The following FARP1 variants were observed in gnomAD, a reference collection of about 807,000 sequenced individuals.
FARP1 encodes the protein FERM, ARH/RhoGEF and pleckstrin domain protein 1.
FARP1 carries 52 observed loss-of-function variants against 128.8 expected under a neutral mutation model. The ratio of observed to expected loss-of-function variants is 0.40; its 90% CI spans 0.32 to 0.51. FARP1 has a LOEUF of 0.51. FARP1 is among the 20% of genes least tolerant of loss of function. The pLI is 0.45. For synonymous variants in FARP1, 580 were observed against 551.8 expected (o/e 1.05, Z -0.72); for missense variants, 1,333 against 1,367.9 (o/e 0.97, Z 0.40).
At chr13:98,201,809 A>G (rs948489696) in intron 1 of FARP1, among the ~76,000 whole-genome samples, 6 of 152,246 alleles carry the variant, frequency 3.9e-5, no homozygotes, top group Non-Finnish European at 5.9e-5. Flanking sequence ...GGAACAGTGA[A>G]GCGAGAATCT....
At chr13:98,397,900 G>GAAA (rs3841606) in intron 13 of FARP1, 28 of 84,578 alleles carry the variant, frequency 3.3e-4, no homozygotes, top group African/African-American at 1.1e-3. Flanking sequence ...TTTTTTTTTT[G>GAAA]AAAAAAAAAA....
intron 5 of FARP1, among the ~76,000 whole-genome samples, chr13:98,369,956 T>C (rs1215128943): frequency 1.3e-5 from 2 of 152,160 alleles, no homozygotes; most frequent in Non-Finnish European, 2.9e-5. Context: ...TTATTAAGGG[T>C]TCCCTGTGTG....
At chr13:98,436,260 A>C (rs1892263758) in intron 19 of FARP1, among the ~76,000 whole-genome samples, 6 of 152,152 alleles carry the variant, frequency 3.9e-5, no homozygotes, top group Admixed American at 3.3e-4. Flanking sequence ...CCTGCCTGAG[A>C]TGCAGGTGAT....
rs1193878223 is a variant in FARP1, at chr13:98,451,306, A to T, written c.*2989A>T. Reference sequence around the variant, plus strand: ...CTTATGCCGCCGGCCTCACGTAAGGAAACAGTTCCCCACACAGAATACTCC... The same window carrying T: ...CTTATGCCGCCGGCCTCACGTAAGGTAACAGTTCCCCACACAGAATACTCC... On this transcript the variant is annotated 3_prime_UTR_variant, in exon 27 of 27. Transcript: ENST00000319562. The T allele has an allele frequency of 1.3e-5, 2 of 152,164 alleles. No homozygotes were observed. The highest frequency in any genetic ancestry group is 2.9e-5 in the Non-Finnish European group (2 of 68,032). 9.4% of individuals were successfully genotyped at this position (152,164 alleles called of 1,614,324 possible). A position where few individuals can be genotyped will look rare whatever the true frequency, so the allele number is the denominator to read the frequency against.
chr13:98,305,118 A>ATATAT (rs1555335715), intron 2 of FARP1, among the ~76,000 whole-genome samples: 43 of 102,932 alleles, frequency 4.2e-4, no homozygotes, highest in Non-Finnish European at 4.3e-4. Flanking sequence ...ATATATATAT[A>ATATAT]TTTTTTAATT....
At position 98,455,015 on chromosome 13, in the gene FARP1, T is replaced by C. The variant is rs1448708564; in HGVS notation, c.*6698T>C. 6.6e-6 allele frequency: 1 copy of C among 152,236 alleles called. No individual in the cohort carries two copies. Among genetic ancestry groups the C allele is most frequent in the Non-Finnish European group, 1.5e-5 (1 of 68,060 alleles). 9.4% of individuals were successfully genotyped at this position (152,236 alleles called of 1,614,324 possible). A position where few individuals can be genotyped will look rare whatever the true frequency, so the allele number is the denominator to read the frequency against. ...TAAATAGGGTCAACCCCAGCCACGATGCCCAGTGAGCACGTAAAATGTGCT... is the reference window on the plus strand; with the variant it reads ...TAAATAGGGTCAACCCCAGCCACGACGCCCAGTGAGCACGTAAAATGTGCT... On this transcript the variant is annotated 3_prime_UTR_variant, in exon 27 of 27. Transcript: ENST00000319562.
chr13:98,235,494 G>A (rs544959299), intron 2 of FARP1, among the ~76,000 whole-genome samples: 104 of 152,244 alleles, frequency 6.8e-4, no homozygotes, highest in East Asian at 3.9e-4. Flanking sequence ...GACAGAGGGG[G>A]AAACTCCCTC....
chr13:98,258,208 C>A (rs534364796), intron 2 of FARP1, among the ~76,000 whole-genome samples: 45 of 152,102 alleles, frequency 3.0e-4, no homozygotes, highest in Non-Finnish European at 5.9e-4. Context: ...ACCTCATGAT[C>A]CACCCGCGTC....
intron 2 of FARP1, among the ~76,000 whole-genome samples, chr13:98,286,210 G>A (rs190887721): frequency 1.3e-5 from 2 of 152,186 alleles, no homozygotes; most frequent in Admixed American, 6.5e-5. Context: ...GTGATCCTGC[G>A]TCTCGTTATC....
intron 2 of FARP1, among the ~76,000 whole-genome samples, chr13:98,321,546 A>C (rs946284327): frequency 4.6e-5 from 7 of 152,210 alleles, no homozygotes; most frequent in Admixed American, 6.5e-5. Flanking sequence ...CAAAGTAGCA[A>C]TACCAGAAGA....
At chr13:98,256,948 G>GGTATATATATATATATATATATATGT (rs59128917) in intron 2 of FARP1, among the ~76,000 whole-genome samples, 2 of 77,094 alleles carry the variant, frequency 2.6e-5, no homozygotes, top group Admixed American at 1.6e-4. Flanking sequence ...TATATATGTG[G>GGTATATATATATATATATATATATGT]ATATATATAT....
intron 5 of FARP1, among the ~76,000 whole-genome samples, chr13:98,368,790 G>A (rs1889205141): frequency 6.6e-6 from 1 of 152,112 alleles, no homozygotes. Context: ...CTGGGATCCA[G>A]TAGGGACACT....
chr13:98,204,954 A>AG (rs1880180582), intron 1 of FARP1, among the ~76,000 whole-genome samples: 1 of 151,992 alleles, frequency 6.6e-6, no homozygotes, highest in Non-Finnish European at 1.5e-5. Context: ...TCTAAAAAAA[A>AG]AATAGCAAAA....
At chr13:98,219,380 G>C (rs1447989806) in intron 2 of FARP1, among the ~76,000 whole-genome samples, 1 of 150,964 alleles carries the variant, frequency 6.6e-6, no homozygotes, top group Non-Finnish European at 1.5e-5. Context: ...TTTGAGACAA[G>C]ATCTTGCTCT....
chr13:98,261,606 G>A (rs1883886157), intron 2 of FARP1, among the ~76,000 whole-genome samples: 1 of 151,576 alleles, frequency 6.6e-6, no homozygotes, highest in Non-Finnish European at 1.5e-5. Context: ...AGGAATTTAT[G>A]GTGTCATAGG....
At chr13:98,398,631 G>A (rs1445280213) in intron 13 of FARP1, 11 of 152,162 alleles carry the variant, frequency 7.2e-5, no homozygotes, top group Non-Finnish European at 1.5e-4. Context: ...GCCATAATAG[G>A]TGGGAAGAAC....
At position 98,229,841 on chromosome 13, in the gene FARP1, C is replaced by T. The variant is rs1192409277; in HGVS notation, c.171+16428C>T. Among the ~76,000 whole-genome samples the T allele has an allele frequency of 3.9e-5, 6 of 152,128 alleles. No individual in the cohort carries two copies. In the South Asian group the frequency reaches 1.2e-3, roughly 32 times the overall value. On this transcript the variant is annotated intron_variant, in intron 2 of 26. Coordinates refer to ENST00000319562, the MANE Select transcript of FARP1 (RefSeq NM_005766.4). ...CCCTGGTGGAAAGCCATGGGGCTTG[C>T]AGTATCTCACTTGAGTTACTACGCC...
At chr13:98,177,375 G>A (rs515170) in intron 1 of FARP1, 575,070 of 649,488 alleles carry the variant, frequency 0.89, 261,873 homozygotes, top group Non-Finnish European at 0.94. Flanking sequence ...GGCCAGGCGC[G>A]GTGACTCACT....
intron 2 of FARP1, among the ~76,000 whole-genome samples, chr13:98,277,341 A>T (rs75016367): frequency 0.041 from 6,305 of 152,068 alleles, 184 homozygotes; most frequent in African/African-American, 0.075. Flanking sequence ...ATTTATTTAT[A>T]TATTTTCTGT....
Sources: gnomAD v4.1 joint callset for allele counts (sites outside exome capture counted in the v4.1 genomes callset) on GRCh38, gnomAD v4.1.1 for gene constraint, MANE v1.5 for transcripts, NCBI Gene and HGNC (gene_info 2026-07-23, HGNC 2026-07-21) for gene names.